Variants in HORMAD2 observed in about 807,000 individuals in gnomAD.
The protein encoded by HORMAD2 is HORMA domain-containing protein 2.
Under a neutral mutation model 38.8 loss-of-function variants are expected in HORMAD2, and 45 were observed. The ratio of observed to expected loss-of-function variants is 1.16; its 90% CI spans 0.91 to 1.49. The LOEUF (loss-of-function observed/expected upper bound fraction) is 1.49. Among genes scored for constraint, HORMAD2 ranks in the 40% most tolerant of loss-of-function variants. HORMAD2 has a pLI of 0.00. For synonymous variants in HORMAD2, 126 were observed against 122.8 expected (o/e 1.03, Z -0.17); for missense variants, 338 against 367.0 (o/e 0.92, Z 0.65).
chr22:30,104,627 C>T (rs1456599844), intron 5 of HORMAD2, 190 bp downstream of exon 5: 2 of 464,340 alleles, frequency 4.3e-6, no homozygotes, highest in Admixed American at 4.2e-5. Context: ...AGAAAGAAAA[C>T]TCATTTTTTC....
At chr22:30,143,583 C>T (rs1924226815) in intron 10 of HORMAD2, among the ~76,000 whole-genome samples, 1 of 151,992 alleles carries the variant, frequency 6.6e-6, no homozygotes, top group African/African-American at 2.4e-5. Context: ...TCATTTTTCT[C>T]TTGTTGTTTT....
intron 1 of HORMAD2, among the ~76,000 whole-genome samples, chr22:30,082,427 T>C (rs1422194679): frequency 6.6e-6 from 1 of 152,146 alleles, no homozygotes; most frequent in African/African-American, 2.4e-5. Flanking sequence ...AGCTGGCTAA[T>C]CTTTATGTGA....
chr22:30,091,266 C>CTTTTTTTTTTTTTTTT, intron 1 of HORMAD2, among the ~76,000 whole-genome samples: 1 of 114,034 alleles, frequency 8.8e-6, no homozygotes, highest in Non-Finnish European at 1.8e-5. Context: ...CTCTTTCTTT[C>CTTTTTTTTTTTTTTTT]TTTTTTTTTT....
At chr22:30,199,580 A>G in the HORMAD2 span, among the ~76,000 whole-genome samples, 1 of 152,184 alleles carries the variant, frequency 6.6e-6, no homozygotes, top group African/African-American at 2.4e-5. Flanking sequence ...ACAGACGTCA[A>G]CTAGCATCTG....
chr22:30,149,482 A>G (rs930763498), intron 10 of HORMAD2, among the ~76,000 whole-genome samples: 1 of 152,250 alleles, frequency 6.6e-6, no homozygotes, highest in Non-Finnish European at 1.5e-5. Context: ...TCTAATGGAC[A>G]ATACTGGTCT....
chr22:30,112,418 C>G, intron 6 of HORMAD2, 78 bp from the exon 7 acceptor site: 1 of 702,990 alleles, frequency 1.4e-6, no homozygotes, highest in Non-Finnish European at 2.4e-6. Flanking sequence ...AAATTGAACT[C>G]TATATAAAAA....
At chr22:30,146,398 G>A (rs1924419181) in intron 10 of HORMAD2, among the ~76,000 whole-genome samples, 1 of 152,148 alleles carries the variant, frequency 6.6e-6, no homozygotes, top group Non-Finnish European at 1.5e-5. Flanking sequence ...GGGAGGCTGA[G>A]GCCGGGGAAT....
chr22:30,125,211 C>CTTTTTTTTTTTTTTTTTTTTTTT (rs1569099734), intron 10 of HORMAD2, among the ~76,000 whole-genome samples: 2 of 46,590 alleles, frequency 4.3e-5, no homozygotes, highest in Non-Finnish European at 8.4e-5. Context: ...CTTTCTTTTT[C>CTTTTTTTTTTTTTTTTTTTTTTT]TTTTCTTTTT....
At chr22:30,206,802 C>A in the HORMAD2 span, among the ~76,000 whole-genome samples, 2 of 152,178 alleles carry the variant, frequency 1.3e-5, no homozygotes, top group Non-Finnish European at 2.9e-5. Flanking sequence ...TTACAAAATT[C>A]TGACCATGGA....
the HORMAD2 span, among the ~76,000 whole-genome samples, chr22:30,203,094 G>A: frequency 1.3e-5 from 2 of 152,130 alleles, no homozygotes; most frequent in Non-Finnish European, 2.9e-5. Flanking sequence ...GACCATATGA[G>A]GAGACAAATA....
At chr22:30,086,609 A>G (rs1156310209) in intron 1 of HORMAD2, among the ~76,000 whole-genome samples, 2 of 152,314 alleles carry the variant, frequency 1.3e-5, no homozygotes, top group East Asian at 3.9e-4. Context: ...GGGAAAATGC[A>G]TAGTCGAGTT....
the HORMAD2 span, among the ~76,000 whole-genome samples, chr22:30,189,837 C>G: frequency 6.6e-6 from 1 of 152,240 alleles, no homozygotes; most frequent in East Asian, 1.9e-4. Context: ...GCCTGCTGTT[C>G]CTGTGCTCTC....
At chr22:30,200,772 C>T in the HORMAD2 span, among the ~76,000 whole-genome samples, 8 of 117,098 alleles carry the variant, frequency 6.8e-5, no homozygotes, top group African/African-American at 1.4e-4. Flanking sequence ...TATTTTGAGA[C>T]GGAGTCTGGC....
intron 4 of HORMAD2, 82 bp downstream of exon 4, chr22:30,103,582 G>C (rs551423863): frequency 1.6e-4 from 72 of 448,664 alleles, no homozygotes; most frequent in Non-Finnish European, 9.8e-5. Flanking sequence ...TATTTAGTAA[G>C]ATCATTTTTT....
At chr22:30,121,100 G>A (rs573203897) in intron 8 of HORMAD2, among the ~76,000 whole-genome samples, 2 of 152,282 alleles carry the variant, frequency 1.3e-5, no homozygotes, top group African/African-American at 4.8e-5. Flanking sequence ...GGACAAGAAG[G>A]AAAGCAGGAA....
chr22:30,155,022 A>G (rs533520908), intron 10 of HORMAD2, among the ~76,000 whole-genome samples: 1 of 151,754 alleles, frequency 6.6e-6, no homozygotes, highest in African/African-American at 2.4e-5. Context: ...AGTGAGAGCT[A>G]TGTTCACACC....
At chr22:30,137,212 A>C (rs1161603121) in intron 10 of HORMAD2, 1 of 596,326 alleles carries the variant, frequency 1.7e-6, no homozygotes, top group Non-Finnish European at 3.2e-6. Context: ...TATCAGCTTG[A>C]ATTTTCTAAA....
intron 2 of HORMAD2, among the ~76,000 whole-genome samples, chr22:30,096,110 G>T (rs916976357): frequency 6.6e-6 from 1 of 152,132 alleles, no homozygotes; most frequent in Non-Finnish European, 1.5e-5. Flanking sequence ...ACTCAGTATA[G>T]TTACAGATCA....
chr22:30,128,168 C>T (rs1361184061), intron 10 of HORMAD2, among the ~76,000 whole-genome samples: 1 of 152,062 alleles, frequency 6.6e-6, no homozygotes, highest in Non-Finnish European at 1.5e-5. Flanking sequence ...TTGATTTTGG[C>T]TCAATAGAAG....
Sources: allele counts gnomAD v4.1 joint callset (sites outside exome capture counted in the v4.1 genomes callset), GRCh38; gene constraint gnomAD v4.1.1; transcripts MANE v1.5; gene names NCBI Gene and HGNC (gene_info 2026-07-23, HGNC 2026-07-21).